PTPRR: variants seen among roughly 807,000 people sequenced by gnomAD.
PTPRR encodes receptor-type tyrosine-protein phosphatase R.
Under a neutral mutation model 77.2 loss-of-function variants are expected in PTPRR, and 38 were observed. The ratio of observed to expected loss-of-function variants is 0.49; its 90% CI spans 0.38 to 0.65. The LOEUF (loss-of-function observed/expected upper bound fraction) is 0.65, where lower values mean the gene tolerates loss of function less well. PTPRR is among the 30% of genes least tolerant of loss of function. The probability of loss-of-function intolerance (pLI) is 0.00; values close to 1 mark genes in which losing one functional copy is unlikely to be tolerated. For synonymous variants in PTPRR, 299 were observed against 283.1 expected, an observed-to-expected ratio of 1.06 and a Z score of -0.57; for missense variants, 744 against 799.2, an observed-to-expected ratio of 0.93 and a Z score of 0.83.
chr12:70,833,598 C>T (rs747181949), intron 2 of PTPRR, among the ~76,000 whole-genome samples: 3 of 152,204 alleles, frequency 2.0e-5, no homozygotes, highest in Non-Finnish European at 2.9e-5. Flanking sequence ...AGTAGTCTCA[C>T]TCCGATCACT....
At chr12:70,879,575 T>C (rs952809664) in intron 2 of PTPRR, among the ~76,000 whole-genome samples, 11 of 152,186 alleles carry the variant, frequency 7.2e-5, no homozygotes, top group African/African-American at 2.7e-4. Context: ...AACATTAAGA[T>C]TGGACTGATG....
chr12:70,738,234 T>C (rs1889934344), intron 6 of PTPRR, among the ~76,000 whole-genome samples: 1 of 152,216 alleles, frequency 6.6e-6, no homozygotes, highest in Non-Finnish European at 1.5e-5. Flanking sequence ...ACAGTATTTA[T>C]TGTAAATCAT....
intron 6 of PTPRR, among the ~76,000 whole-genome samples, chr12:70,708,213 T>C (rs1888688518): frequency 6.6e-6 from 1 of 152,158 alleles, no homozygotes; most frequent in African/African-American, 2.4e-5. Context: ...TCTCCTGTTG[T>C]ACCCAGTCAT....
chr12:70,812,536 G>A (rs1408803944), intron 2 of PTPRR, among the ~76,000 whole-genome samples: 4 of 152,290 alleles, frequency 2.6e-5, no homozygotes, highest in Admixed American at 2.0e-4. Context: ...TAATACTGCA[G>A]CACTTTTAGA....
At chr12:70,860,076 G>A (rs74102031) in intron 2 of PTPRR, among the ~76,000 whole-genome samples, 201 of 151,848 alleles carry the variant, frequency 1.3e-3, no homozygotes, top group African/African-American at 4.7e-3. Context: ...ACAGGTCTTC[G>A]CTTTCACAAA....
chr12:70,732,054 G>T (rs1229402874), intron 6 of PTPRR, among the ~76,000 whole-genome samples: 1 of 152,218 alleles, frequency 6.6e-6, no homozygotes, highest in African/African-American at 2.4e-5. Context: ...AAACGGACAG[G>T]TGTTTGAGTA....
At chr12:70,905,716 G>A (rs1158556968) in intron 1 of PTPRR, among the ~76,000 whole-genome samples, 31 of 151,848 alleles carry the variant, frequency 2.0e-4, no homozygotes, top group Admixed American at 2.0e-3. Context: ...AATGCATAAG[G>A]TAGAATGGCC....
intron 1 of PTPRR, among the ~76,000 whole-genome samples, chr12:70,894,460 A>G (rs1317859838): frequency 6.6e-6 from 1 of 151,766 alleles, no homozygotes; most frequent in East Asian, 1.9e-4. Flanking sequence ...TGAAAGTAGT[A>G]TATTATTTTA....
chr12:70,715,218 G>A lies in PTPRR; in HGVS notation c.1008-13895C>T, dbSNP rs185339221. ...TAGGTTCTGTGATGCCCCACAAGCC[G>A]TAAAACCAGCAAGTTTTTATTAGGG... On this transcript the variant is annotated intron_variant, in intron 6 of 13. Coordinates refer to ENST00000283228, the MANE Select transcript of PTPRR (RefSeq NM_002849.4). Among the ~76,000 whole-genome samples the A allele has an allele frequency of 9.2e-5, 14 of 152,134 alleles. No individual in the cohort carries two copies. The East Asian group carries it at 1.9e-3, about 21-fold the overall frequency.
intron 6 of PTPRR, among the ~76,000 whole-genome samples, chr12:70,706,223 C>A (rs989005849): frequency 1.4e-4 from 21 of 151,978 alleles, no homozygotes; most frequent in Admixed American, 6.6e-4. Context: ...ATCTCTTTAT[C>A]TTCCAGTAAA....
chr12:70,689,394 A>G (rs1887980539), intron 8 of PTPRR, among the ~76,000 whole-genome samples: 2 of 152,090 alleles, frequency 1.3e-5, no homozygotes, highest in African/African-American at 4.8e-5. Context: ...CAAAAAACTA[A>G]ATCTACCCTT....
At chr12:70,706,667 G>A (rs12824973) in intron 6 of PTPRR, among the ~76,000 whole-genome samples, 10,348 of 151,860 alleles carry the variant, frequency 0.068, 470 homozygotes, top group South Asian at 0.12. Flanking sequence ...TATAGGACAA[G>A]GCAAAATTTA....
chr12:70,897,511 G>A (rs1247929843), intron 1 of PTPRR, among the ~76,000 whole-genome samples: 1 of 151,852 alleles, frequency 6.6e-6, no homozygotes, highest in Admixed American at 6.6e-5. Context: ...AACAACAGGT[G>A]CTGGAGAGGA....
intron 3 of PTPRR, among the ~76,000 whole-genome samples, chr12:70,763,723 T>C (rs1466576123): frequency 1.3e-5 from 2 of 152,140 alleles, no homozygotes; most frequent in Non-Finnish European, 2.9e-5. Context: ...TTGCTTAGAC[T>C]CCCATTGCAG....
At chr12:70,861,845 C>T (rs1171347649) in intron 2 of PTPRR, among the ~76,000 whole-genome samples, 3 of 152,168 alleles carry the variant, frequency 2.0e-5, no homozygotes, top group Admixed American at 6.6e-5. Context: ...TAATTGGCTA[C>T]TACCTTCCTA....
intron 1 of PTPRR, among the ~76,000 whole-genome samples, chr12:70,902,044 G>T (rs1207549843): frequency 6.6e-6 from 1 of 151,750 alleles, no homozygotes; most frequent in Non-Finnish European, 1.5e-5. Flanking sequence ...TATACAAATG[G>T]CCAACCAACA....
chr12:70,717,299 C>T (rs1023818132), intron 6 of PTPRR, among the ~76,000 whole-genome samples: 3 of 152,088 alleles, frequency 2.0e-5, no homozygotes, highest in African/African-American at 4.8e-5. Flanking sequence ...TGAGCACTAA[C>T]ATTCTTTTCA....
At chr12:70,656,948 C>T in intron 12 of PTPRR, 131 bp from the exon 13 acceptor site, 2 of 574,926 alleles carry the variant, frequency 3.5e-6, no homozygotes, top group Non-Finnish European at 6.1e-6. Flanking sequence ...TATTATAAAC[C>T]TGGCCCTGTG....
intron 2 of PTPRR, among the ~76,000 whole-genome samples, chr12:70,863,343 C>T (rs1892785415): frequency 6.6e-6 from 1 of 152,084 alleles, no homozygotes; most frequent in East Asian, 1.9e-4. Context: ...TCTATTCACA[C>T]CAGTTTGCAA....
Sources: gnomAD v4.1 joint callset for allele counts (sites outside exome capture counted in the v4.1 genomes callset) on GRCh38, gnomAD v4.1.1 for gene constraint, MANE v1.5 for transcripts, NCBI Gene and HGNC (gene_info 2026-07-23, HGNC 2026-07-21) for gene names.